The following ZC3H3 variants were observed in gnomAD, a reference collection of about 807,000 sequenced individuals.
ZC3H3 encodes the protein zinc finger CCCH-type containing 3, also known as zinc finger CCCH domain-containing protein 3.
Under a neutral mutation model 77.3 loss-of-function variants are expected in ZC3H3, and 36 were observed. The observed-to-expected ratio is 0.47, with a 90% confidence interval of 0.36 to 0.61. The LOEUF (loss-of-function observed/expected upper bound fraction) is 0.61, where lower values mean the gene tolerates loss of function less well. ZC3H3 is among the 20% of genes least tolerant of loss of function. The pLI, the probability that ZC3H3 is intolerant of heterozygous loss-of-function variation, is 0.00. For missense variants in ZC3H3, 1,331 were observed against 1,312.2 expected (o/e 1.01, Z -0.22); for synonymous variants, 626 against 555.2 (o/e 1.13, Z -1.79).
chr8:143,530,350 C>A lies in ZC3H3; in HGVS notation c.1561+5907G>T, dbSNP rs543653170. On this transcript the variant is annotated intron_variant, in intron 3 of 11. Transcript: ENST00000262577. The surrounding 1 kb of genome is among the most constrained non-coding windows in gnomAD (Gnocchi z 4.3). ...GGGGCAGGCCACCGGCATGCATCCA[C>A]CATCCTGGGTGGGTGAAGCAGAGAG... 2.0e-5 allele frequency among the ~76,000 whole-genome samples: 3 copies of A among 152,332 alleles called. No individual in the cohort carries two copies. The South Asian group carries it at 6.2e-4, about 32-fold the overall frequency.
intron 4 of ZC3H3, among the ~76,000 whole-genome samples, chr8:143,477,938 C>T (rs959952348): frequency 6.6e-6 from 1 of 152,160 alleles, no homozygotes; most frequent in Non-Finnish European, 1.5e-5. Context: ...CAGGGCCAGC[C>T]TGGACTTGCT....
At chr8:143,514,201 G>A (rs1821959493) in intron 3 of ZC3H3, among the ~76,000 whole-genome samples, 1 of 152,278 alleles carries the variant, frequency 6.6e-6, no homozygotes, top group African/African-American at 2.4e-5. Context: ...CCATGTGCAG[G>A]GGGCAGTGAG....
At chr8:143,451,212 G>A (rs118102305) in intron 9 of ZC3H3, among the ~76,000 whole-genome samples, 2,098 of 152,164 alleles carry the variant, frequency 0.014, 28 homozygotes, top group Middle Eastern at 0.048. Context: ...AGGAGCCCGG[G>A]GAAAACCTAA....
intron 4 of ZC3H3, among the ~76,000 whole-genome samples, chr8:143,481,233 C>G (rs951444864): frequency 6.6e-6 from 1 of 152,200 alleles, no homozygotes; most frequent in South Asian, 2.1e-4. Context: ...GTGCGACCAG[C>G]GGCTACACAA....
chr8:143,495,739 C>A (rs1480448872), intron 4 of ZC3H3, among the ~76,000 whole-genome samples: 1 of 149,876 alleles, frequency 6.7e-6, no homozygotes. Context: ...TGCCACCATG[C>A]CTGGCTAATT....
chr8:143,516,782 C>T (rs558628868), intron 3 of ZC3H3, among the ~76,000 whole-genome samples: 12 of 152,170 alleles, frequency 7.9e-5, no homozygotes, highest in Admixed American at 2.0e-4. Flanking sequence ...GTCCTGGCCT[C>T]GCGTCCCTGG....
intron 2 of ZC3H3, 110 bp downstream of exon 2, chr8:143,537,893 T>G: frequency 1.7e-6 from 2 of 1,152,062 alleles, no homozygotes; most frequent in Non-Finnish European, 2.4e-6. Context: ...TTGCTGGAAA[T>G]GTGAACGCAA....
In ZC3H3 at chr8:143,536,370, C is replaced by T; in HGVS notation, c.1448G>A (p.Arg483Lys). The T allele has an allele frequency of 1.9e-6, 3 of 1,596,600 alleles. No individual in the cohort carries two copies. Among genetic ancestry groups the T allele is most frequent in the Non-Finnish European group, 2.6e-6 (3 of 1,171,406 alleles). Residue 483 changes from arginine (R) to lysine (K), a missense_variant, in exon 3 of 12, where the codon AGG (arginine) becomes AAG (lysine). Coordinates refer to ENST00000262577, the MANE Select transcript of ZC3H3 (RefSeq NM_015117.3). The stretch of plus-strand genomic sequence containing the variant: ...CTTCAGGACAGGGCTGCTCTTCCCC[C>T]TGAGGGCCTGTCTCCGCCGGAGGCT... ...HLSLRRRQAL[R>K]GKSSPVLKKT...
At chr8:143,516,946 G>A (rs140896660) in intron 3 of ZC3H3, among the ~76,000 whole-genome samples, 3 of 152,350 alleles carry the variant, frequency 2.0e-5, no homozygotes, top group Non-Finnish European at 4.4e-5. Context: ...ACAAATGACC[G>A]CTGTCAGCCG....
At chr8:143,473,332 T>C (rs1820632126) in intron 5 of ZC3H3, among the ~76,000 whole-genome samples, 1 of 152,038 alleles carries the variant, frequency 6.6e-6, no homozygotes, top group East Asian at 1.9e-4. Flanking sequence ...GCCCTCTCAG[T>C]TTTCAGCTCA....
chr8:143,504,000 C>T (rs1402826796), intron 4 of ZC3H3, among the ~76,000 whole-genome samples: 9 of 152,206 alleles, frequency 5.9e-5, no homozygotes, highest in Admixed American at 3.3e-4. Context: ...AGAGAGGGCG[C>T]GTGTGCCAAA....
chr8:143,498,955 G>A (rs1282873736), intron 4 of ZC3H3, among the ~76,000 whole-genome samples: 1 of 149,842 alleles, frequency 6.7e-6, no homozygotes. Flanking sequence ...GGGGTACAGG[G>A]CGGGGAAGAG....
chr8:143,531,659 C>T (rs1052777722), intron 3 of ZC3H3, among the ~76,000 whole-genome samples: 7 of 152,230 alleles, frequency 4.6e-5, no homozygotes, highest in Non-Finnish European at 8.8e-5. Flanking sequence ...TTATGCCTCT[C>T]AAATTAAATT....
At chr8:143,497,532 CT>C (rs921654742) in intron 4 of ZC3H3, among the ~76,000 whole-genome samples, 6 of 152,264 alleles carry the variant, frequency 3.9e-5, no homozygotes, top group Non-Finnish European at 8.8e-5. Context: ...CCGCCTGCCC[CT>C]GTCCCATCCT....
chr8:143,520,712 C>T (rs1001663197), intron 3 of ZC3H3, among the ~76,000 whole-genome samples: 19 of 152,226 alleles, frequency 1.2e-4, no homozygotes, highest in African/African-American at 4.3e-4. Flanking sequence ...CCTCGAGACA[C>T]CCCAGATCCC....
At chr8:143,453,615 T>A (rs4874132) in intron 9 of ZC3H3, among the ~76,000 whole-genome samples, 34,185 of 152,140 alleles carry the variant, frequency 0.22, 4,508 homozygotes, top group Middle Eastern at 0.31. Flanking sequence ...TAAAAAGTGG[T>A]TAAAGTTCTC....
Position 143,437,961 on chromosome 8 carries a change from C to CG in ZC3H3, c.*94dup. ...GTGGCCCCCAGGTGAGGCTTGGTGGCGGGCGGCCCTCCTGTGGGGTAGAGT... is the reference window on the plus strand; with the variant it reads ...GTGGCCCCCAGGTGAGGCTTGGTGGCGGGGCGGCCCTCCTGTGGGGTAGAGT... On this transcript the variant is annotated 3_prime_UTR_variant, in exon 12 of 12. Coordinates refer to ENST00000262577, the MANE Select transcript of ZC3H3 (RefSeq NM_015117.3). 1.3e-6 allele frequency: 2 copies of CG among 1,514,766 alleles called. No homozygotes were observed. Among genetic ancestry groups the CG allele is most frequent in the Non-Finnish European group, 9.0e-7 (1 of 1,113,480 alleles). 93.8% of individuals were successfully genotyped at this position (1,514,766 alleles called of 1,614,324 possible).
chr8:143,536,381 T>C lies in ZC3H3; in HGVS notation c.1437A>G (p.Arg479=), dbSNP rs1822798804. ...GGCTGCTCTTCCCCCTGAGGGCCTG[T>C]CTCCGCCGGAGGCTGAGGTGGCTCT... is the stretch of plus-strand genomic sequence containing the variant. ...TAKSHLSLRR[R]QALRGKSSPV... The change falls in exon 3 of 12, where the codon AGA becomes AGG. Residue 479 remains arginine (R), a synonymous_variant. Transcript: ENST00000262577. The C allele has an allele frequency of 6.3e-7, 1 of 1,587,192 alleles. No homozygotes were observed. The highest frequency in any genetic ancestry group is 1.8e-5 in the Admixed American group (1 of 56,126).
intron 3 of ZC3H3, among the ~76,000 whole-genome samples, chr8:143,510,176 G>T (rs1047757064): frequency 6.6e-6 from 1 of 152,182 alleles, no homozygotes; most frequent in Non-Finnish European, 1.5e-5. Context: ...ATAACGCAGC[G>T]CCAGCCTCTT....
Sources: allele counts gnomAD v4.1 joint callset (sites outside exome capture counted in the v4.1 genomes callset), GRCh38; gene constraint gnomAD v4.1.1; non-coding constraint Gnocchi (gnomAD v3.1); transcripts MANE v1.5; gene names NCBI Gene and HGNC (gene_info 2026-07-23, HGNC 2026-07-21).